KAZN: variants seen among roughly 807,000 people sequenced by gnomAD.
The protein encoded by KAZN is kazrin, periplakin interacting protein.
Under a neutral mutation model 87.4 loss-of-function variants are expected in KAZN, and 40 were observed. The observed-to-expected ratio is 0.46, with a 90% CI of 0.36 to 0.60. The LOEUF (loss-of-function observed/expected upper bound fraction) is 0.60. KAZN is among the 20% of genes least tolerant of loss of function. KAZN has a pLI of 0.00. For missense variants in KAZN, 898 were observed against 1,073.9 expected, an observed-to-expected ratio of 0.84 and a Z score of 2.29; for synonymous variants, 466 against 458.3, an observed-to-expected ratio of 1.02 and a Z score of -0.22.
In KAZN at chr1:13,928,077, A is replaced by G. The variant is rs187828541; in HGVS notation, c.91+34321A>G. ...TGTTAACCACAGAGCTAAGCTACAC[A>G]TACTGGAGGAAGCAGAGGGTGTGTT... On this transcript the variant is annotated intron_variant, in intron 1 of 16. Transcript: ENST00000636203. Among the ~76,000 whole-genome samples, 11 of 152,358 alleles carry G rather than the reference A, an allele frequency of 7.2e-5. No individual in the cohort carries two copies. The East Asian group carries it at 2.1e-3, about 29-fold the overall frequency.
At chr1:14,466,886 G>A (rs912370614) in intron 2 of KAZN, among the ~76,000 whole-genome samples, 7 of 152,072 alleles carry the variant, frequency 4.6e-5, no homozygotes, top group Non-Finnish European at 7.4e-5. Context: ...GGAGAATGGC[G>A]TGAACCCAGG....
chr1:14,867,315 T>C (rs889977556), intron 1 of KAZN, among the ~76,000 whole-genome samples: 4 of 152,202 alleles, frequency 2.6e-5, no homozygotes, highest in African/African-American at 4.8e-5. Context: ...GCACTGAGGC[T>C]GTGAGTGGGC....
chr1:14,306,178 C>T (rs994032861), intron 2 of KAZN, among the ~76,000 whole-genome samples: 4 of 152,164 alleles, frequency 2.6e-5, no homozygotes, highest in African/African-American at 7.2e-5. Context: ...AAGTATTTCA[C>T]TGGAGAACAT....
intron 1 of KAZN, among the ~76,000 whole-genome samples, chr1:13,955,114 A>G (rs957892142): frequency 6.6e-6 from 1 of 152,222 alleles, no homozygotes; most frequent in African/African-American, 2.4e-5. Context: ...TGTGAAAGGT[A>G]AAATTTCTTG....
intron 1 of KAZN, among the ~76,000 whole-genome samples, chr1:14,771,813 G>A (rs1645027600): frequency 6.6e-6 from 1 of 152,196 alleles, no homozygotes; most frequent in South Asian, 2.1e-4. Context: ...GTGACAGAGG[G>A]AGACTGTCTC....
intron 2 of KAZN, among the ~76,000 whole-genome samples, chr1:14,289,253 A>G (rs773788841): frequency 1.1e-4 from 16 of 152,156 alleles, no homozygotes; most frequent in Non-Finnish European, 1.9e-4. Context: ...CTTCTGTTGC[A>G]TTGATCTGTC....
chr1:14,734,184 C>G (rs575883655), intron 1 of KAZN, among the ~76,000 whole-genome samples: 4 of 152,316 alleles, frequency 2.6e-5, no homozygotes, highest in East Asian at 1.9e-4. Context: ...AAAGTAGCAC[C>G]TAACTCAGTG....
At chr1:13,939,155 T>G (rs1479262302) in intron 1 of KAZN, among the ~76,000 whole-genome samples, 3 of 152,258 alleles carry the variant, frequency 2.0e-5, no homozygotes, top group African/African-American at 7.2e-5. Context: ...ATTCCTCTTC[T>G]GATAATGCTT....
At chr1:14,149,678 CTG>C in intron 1 of KAZN, among the ~76,000 whole-genome samples, 1 of 152,236 alleles carries the variant, frequency 6.6e-6, no homozygotes, top group Admixed American at 6.5e-5. Context: ...CTTGTGGTGA[CTG>C]TGGGTTTATG....
At chr1:14,976,978 C>T (rs1299863691) in intron 2 of KAZN, among the ~76,000 whole-genome samples, 1 of 152,172 alleles carries the variant, frequency 6.6e-6, no homozygotes, top group Admixed American at 6.5e-5. Flanking sequence ...TCACGTGAAC[C>T]CGGGAGGCAG....
In KAZN at chr1:14,813,878, T is replaced by G. The variant is rs1436165137; in HGVS notation, c.227-146806T>G. On this transcript the variant is annotated intron_variant, in intron 1 of 14. Transcript: ENST00000376030. ...GACAGAGGATGTAGAGCATTTGGGT[T>G]GCTGTCCAGTGCACAGTGGGCACCT... 1.7e-4 allele frequency among the ~76,000 whole-genome samples: 26 copies of G among 152,200 alleles called. 1 individual carries two copies. The highest frequency in any genetic ancestry group is 1.5e-5 in the Non-Finnish European group (1 of 68,038).
At chr1:14,551,117 G>A (rs547343846) in intron 2 of KAZN, among the ~76,000 whole-genome samples, 15 of 152,044 alleles carry the variant, frequency 9.9e-5, no homozygotes, top group African/African-American at 3.1e-4. Context: ...ATACGCAAAC[G>A]TGAGGCCCCA....
In KAZN at chr1:15,056,144, C is replaced by T. The variant is rs201683224; in HGVS notation, c.780C>T (p.Leu260=). ...AGGACGTCCCCAAGCGGCATTCCCT[C>T]GCCATGCCGGGCGAGACGGTGCTCA... ...LTKDVPKRHS[L]AMPGETVLNG... The change falls in exon 5 of 15, where the codon CTC becomes CTT. Residue 260 remains leucine (L), a synonymous_variant. Transcript: ENST00000376030. The surrounding 1 kb of genome is among the most constrained non-coding windows in gnomAD (Gnocchi z 5.4). 8.2e-5 allele frequency: 132 copies of T among 1,614,146 alleles called. 1 individual carries two copies. The East Asian group carries it at 2.4e-3, about 29-fold the overall frequency.
chr1:13,942,684 AC>A (rs1640986234), intron 1 of KAZN, among the ~76,000 whole-genome samples: 1 of 152,180 alleles, frequency 6.6e-6, no homozygotes, highest in African/African-American at 2.4e-5. Flanking sequence ...GGACAAAACA[AC>A]AAAAAACCAA....
At position 14,514,043 on chromosome 1, in the gene KAZN, G is replaced by A. The variant is rs910299974; in HGVS notation, c.250-84940G>A. Among the ~76,000 whole-genome samples the A allele has an allele frequency of 5.3e-5, 8 of 151,282 alleles. No homozygotes were observed. In the East Asian group the frequency reaches 7.9e-4, roughly 15 times the overall value. ...GCCGAAAAAAAATATTTTTTAGGCC[G>A]GGCGTGGTGGCTCACGTCTGTAATC... is the stretch of plus-strand genomic sequence containing the variant. On this transcript the variant is annotated intron_variant, in intron 2 of 16. Coordinates refer to the KAZN transcript ENST00000636203.
intron 1 of KAZN, among the ~76,000 whole-genome samples, chr1:14,067,193 G>C (rs1643042901): frequency 6.6e-6 from 1 of 152,110 alleles, no homozygotes; most frequent in Non-Finnish European, 1.5e-5. Context: ...CTTGCCAACG[G>C]CTGTCTCCCC....
At chr1:14,791,723 G>C (rs1428892002) in intron 1 of KAZN, among the ~76,000 whole-genome samples, 1 of 152,232 alleles carries the variant, frequency 6.6e-6, no homozygotes, top group Non-Finnish European at 1.5e-5. Flanking sequence ...CGAGCTTCCG[G>C]AACATCCTGT....
chr1:14,269,387 T>C (rs1032585862), intron 2 of KAZN, among the ~76,000 whole-genome samples: 1 of 152,172 alleles, frequency 6.6e-6, no homozygotes, highest in Admixed American at 6.5e-5. Context: ...TTGAACCATT[T>C]ACCCAATTTG....
intron 2 of KAZN, among the ~76,000 whole-genome samples, chr1:14,586,525 G>GTTTTTT (rs371736294): frequency 2.4e-5 from 3 of 125,230 alleles, no homozygotes; most frequent in African/African-American, 6.1e-5. Flanking sequence ...TTTCTTTCTG[G>GTTTTTT]TTTTTTTTTT....
Sources: gnomAD v4.1 joint callset for allele counts (sites outside exome capture counted in the v4.1 genomes callset) on GRCh38, gnomAD v4.1.1 for gene constraint, Gnocchi (gnomAD v3.1) non-coding constraint, MANE v1.5 for transcripts, NCBI Gene and HGNC (gene_info 2026-07-23, HGNC 2026-07-21) for gene names.